MPPED1: variants seen among roughly 807,000 people sequenced by gnomAD.
MPPED1 encodes the protein metallophosphoesterase domain containing 1, also known as metallophosphoesterase domain-containing protein 1.
Under a neutral mutation model 36.2 loss-of-function variants are expected in MPPED1, and 16 were observed. The ratio of observed to expected loss-of-function variants is 0.44; its 90% CI spans 0.30 to 0.67. The LOEUF (loss-of-function observed/expected upper bound fraction) is 0.67, where lower values mean the gene tolerates loss of function less well. Among genes scored for constraint, MPPED1 ranks in the 30% least tolerant of loss-of-function variants. The pLI is 0.10. For missense variants in MPPED1, 307 were observed against 453.4 expected, an observed-to-expected ratio of 0.68 and a Z score of 2.93; for synonymous variants, 199 against 191.3, an observed-to-expected ratio of 1.04 and a Z score of -0.33.
At chr22:43,487,794 T>C (rs1310892814) in intron 4 of MPPED1, among the ~76,000 whole-genome samples, 1 of 152,120 alleles carries the variant, frequency 6.6e-6, no homozygotes, top group Non-Finnish European at 1.5e-5. Flanking sequence ...TTCTCTGTGC[T>C]TCCGTTTCCT....
At chr22:43,414,642 G>C (rs902771312) in intron 1 of MPPED1, among the ~76,000 whole-genome samples, 1 of 152,112 alleles carries the variant, frequency 6.6e-6, no homozygotes, top group African/African-American at 2.4e-5. Context: ...GTTGCATCAG[G>C]CTGCAGTTAA....
At chr22:43,440,056 T>C (rs1311755049) in intron 3 of MPPED1, among the ~76,000 whole-genome samples, 2 of 152,234 alleles carry the variant, frequency 1.3e-5, no homozygotes, top group Non-Finnish European at 2.9e-5. Context: ...CAAGGCTTCA[T>C]GTCCAGCGCC....
intron 1 of MPPED1, among the ~76,000 whole-genome samples, chr22:43,424,100 G>T (rs1200609322): frequency 6.6e-6 from 1 of 152,160 alleles, no homozygotes; most frequent in Non-Finnish European, 1.5e-5. Context: ...AATGCAAACT[G>T]CACTTCCCCG....
chr22:43,432,893 GGA>G (rs144397006), intron 2 of MPPED1, among the ~76,000 whole-genome samples: 1 of 39,912 alleles, frequency 2.5e-5, no homozygotes, highest in Non-Finnish European at 8.0e-5. Context: ...GAGAAAGGGA[GGA>G]GAGAGAGAGG....
At chr22:43,425,823 G>A (rs1338618490) in intron 2 of MPPED1, among the ~76,000 whole-genome samples, 1 of 152,242 alleles carries the variant, frequency 6.6e-6, no homozygotes, top group East Asian at 1.9e-4. Flanking sequence ...TCTGTTGTCT[G>A]CCCCTCGGGG....
At chr22:43,471,305 G>C (rs1931367099) in intron 3 of MPPED1, among the ~76,000 whole-genome samples, 2 of 152,222 alleles carry the variant, frequency 1.3e-5, no homozygotes, top group South Asian at 2.1e-4. Context: ...CCCGAAGGCA[G>C]CGATGGTGGC....
chr22:43,504,866 A>G (rs73170091), intron 6 of MPPED1, among the ~76,000 whole-genome samples: 23 of 87,606 alleles, frequency 2.6e-4, no homozygotes, highest in East Asian at 1.7e-3. Context: ...GATGATGATG[A>G]TGGTGGTGGT....
intron 6 of MPPED1, among the ~76,000 whole-genome samples, chr22:43,505,099 GGTA>G (rs1323929517): frequency 1.3e-5 from 2 of 151,746 alleles, no homozygotes; most frequent in East Asian, 3.9e-4. Context: ...TGATTATGGT[GGTA>G]GTAGTGGTGA....
chr22:43,420,879 G>A (rs1929248488), intron 1 of MPPED1, among the ~76,000 whole-genome samples: 1 of 152,140 alleles, frequency 6.6e-6, no homozygotes, highest in Admixed American at 6.5e-5. Flanking sequence ...TTTTTCCATT[G>A]CCCTTTCTGG....
At chr22:43,461,808 C>T (rs753122197) in intron 3 of MPPED1, among the ~76,000 whole-genome samples, 63 of 152,148 alleles carry the variant, frequency 4.1e-4, no homozygotes, top group Non-Finnish European at 8.4e-4. Flanking sequence ...TTCAAATTCC[C>T]GCTTCTTCGC....
intron 2 of MPPED1, 54 bp from the exon 3 acceptor site, chr22:43,434,980 C>G: frequency 1.3e-6 from 2 of 1,574,020 alleles, no homozygotes; most frequent in Non-Finnish European, 1.7e-6. Context: ...ACACACCACC[C>G]GCAGGCTCGC....
At chr22:43,477,905 G>C (rs1231602420) in intron 4 of MPPED1, among the ~76,000 whole-genome samples, 3 of 152,204 alleles carry the variant, frequency 2.0e-5, no homozygotes, top group African/African-American at 7.2e-5. Flanking sequence ...GGGGTTGTGA[G>C]GTCTGCTTGG....
chr22:43,414,617 G>A (rs1185621187), intron 1 of MPPED1, among the ~76,000 whole-genome samples: 1 of 152,190 alleles, frequency 6.6e-6, no homozygotes, highest in Non-Finnish European at 1.5e-5. Context: ...GTGGAGGTTA[G>A]TTAATGCCTT....
intron 3 of MPPED1, among the ~76,000 whole-genome samples, chr22:43,461,856 AT>A (rs1930968244): frequency 6.6e-6 from 1 of 152,168 alleles, no homozygotes; most frequent in African/African-American, 2.4e-5. Flanking sequence ...ATTAGCCTCG[AT>A]TTCTTCATCT....
At chr22:43,467,576 T>C (rs992909162) in intron 3 of MPPED1, among the ~76,000 whole-genome samples, 3 of 152,210 alleles carry the variant, frequency 2.0e-5, no homozygotes, top group Non-Finnish European at 4.4e-5. Flanking sequence ...TGCTCCATCC[T>C]GGTGTGTTTC....
At position 43,413,081 on chromosome 22, in the gene MPPED1, C is replaced by T. The variant is rs541060242; in HGVS notation, c.-79+923C>T. ...CCCCACCCCTGTCCAGCTGACCTCT[C>T]TGGGATGTCTCTTCCCCAGTGCTGG... On this transcript the variant is annotated intron_variant, in intron 1 of 6. Coordinates refer to ENST00000443721, the MANE Select transcript of MPPED1 (RefSeq NM_001044370.2). 4.8e-4 allele frequency among the ~76,000 whole-genome samples: 73 copies of T among 152,364 alleles called. 1 individual carries two copies. The highest frequency in any genetic ancestry group is 6.8e-3 in the Middle Eastern group (2 of 294).
chr22:43,462,141 A>G (rs1930977603), intron 3 of MPPED1, among the ~76,000 whole-genome samples: 2 of 152,166 alleles, frequency 1.3e-5, no homozygotes, highest in South Asian at 4.1e-4. Flanking sequence ...ATTGTGGCCC[A>G]GTTTGCTTTT....
chr22:43,431,547 C>T (rs1167806104), intron 2 of MPPED1, among the ~76,000 whole-genome samples: 1 of 152,128 alleles, frequency 6.6e-6, no homozygotes, highest in African/African-American at 2.4e-5. Flanking sequence ...GGTAACAGTC[C>T]AGCCTGGTGT....
At chr22:43,461,348 G>T (rs935318544) in intron 3 of MPPED1, among the ~76,000 whole-genome samples, 7 of 152,156 alleles carry the variant, frequency 4.6e-5, no homozygotes, top group East Asian at 1.9e-4. Context: ...TGATTTTCAG[G>T]CTACTACAGG....
Sources: gnomAD v4.1 joint callset for allele counts (sites outside exome capture counted in the v4.1 genomes callset) on GRCh38, gnomAD v4.1.1 for gene constraint, MANE v1.5 for transcripts, NCBI Gene and HGNC (gene_info 2026-07-23, HGNC 2026-07-21) for gene names.